TUBB6: variants seen among roughly 807,000 people sequenced by gnomAD.
The protein encoded by TUBB6 is tubulin beta 6 class V, also known as tubulin beta-6 chain.
TUBB6 carries 18 observed loss-of-function variants against 32.3 expected under a neutral mutation model. That is an observed-to-expected ratio of 0.56 (90% CI 0.39 to 0.83). The LOEUF is 0.83. TUBB6 is among the 40% of genes least tolerant of loss of function. The pLI, the probability that TUBB6 is intolerant of heterozygous loss-of-function variation, is 0.00. For synonymous variants in TUBB6, 280 were observed against 265.8 expected, an observed-to-expected ratio of 1.05 and a Z score of -0.52; for missense variants, 480 against 632.0, an observed-to-expected ratio of 0.76 and a Z score of 2.58.
At chr18:12,314,958 C>T (rs935240689) in intron 3 of TUBB6, among the ~76,000 whole-genome samples, 1 of 49,608 alleles carries the variant, frequency 2.0e-5, no homozygotes, top group Non-Finnish European at 4.7e-5. Context: ...GCTTTTTAAA[C>T]TTTGCTTTTT....
downstream of TUBB6, among the ~76,000 whole-genome samples, chr18:12,326,915 T>A (rs1907357178): frequency 6.6e-6 from 1 of 152,034 alleles, no homozygotes; most frequent in Admixed American, 6.5e-5. Flanking sequence ...GGGTGCTGGG[T>A]GGGAGCTGGG....
intron 3 of TUBB6, among the ~76,000 whole-genome samples, chr18:12,315,548 G>T (rs1184399606): frequency 6.6e-6 from 1 of 152,202 alleles, no homozygotes; most frequent in Non-Finnish European, 1.5e-5. Context: ...AGGGCTTTAA[G>T]AACTACTTTA....
In TUBB6 at chr18:12,325,195, A is replaced by T; in HGVS notation, c.406A>T (p.Thr136Ser). ...HCDCLQGFQL[T>S]HSLGGGTGSG... ...CGACTGCCTGCAGGGCTTCCAGCTCACGCACTCGCTGGGCGGCGGCACGGG... is the reference window on the plus strand; with the variant it reads ...CGACTGCCTGCAGGGCTTCCAGCTCTCGCACTCGCTGGGCGGCGGCACGGG... The change falls in exon 4 of 4, where the codon ACG (threonine) becomes TCG (serine). Residue 136 changes from threonine to serine, a missense_variant. By Grantham distance (58) the Thr-to-Ser change is moderately conservative. Transcript: ENST00000317702. 1 of 1,614,086 alleles carries T rather than the reference A, an allele frequency of 6.2e-7. No homozygotes were observed. The highest frequency in any genetic ancestry group is 1.1e-5 in the South Asian group (1 of 91,062).
intron 2 of TUBB6, among the ~76,000 whole-genome samples, chr18:12,310,635 T>G (rs1906323561): frequency 6.6e-6 from 1 of 151,246 alleles, no homozygotes; most frequent in Non-Finnish European, 1.5e-5. Flanking sequence ...ACTACCACAC[T>G]TAGCTAATTT....
At chr18:12,308,852 G>A in intron 2 of TUBB6, 57 bp downstream of exon 2, 3 of 1,192,874 alleles carry the variant, frequency 2.5e-6, no homozygotes, top group Non-Finnish European at 2.5e-6. Context: ...ACGCTCCGGC[G>A]CCGCCTCTTA....
At chr18:12,322,566 G>C (rs1907046103) in intron 3 of TUBB6, among the ~76,000 whole-genome samples, 1 of 152,064 alleles carries the variant, frequency 6.6e-6, no homozygotes, top group Non-Finnish European at 1.5e-5. Flanking sequence ...TGTTGCCCAG[G>C]CTTGAAAATA....
chr18:12,323,864 G>A (rs1161796914), intron 3 of TUBB6, among the ~76,000 whole-genome samples: 4 of 151,724 alleles, frequency 2.6e-5, no homozygotes, highest in Non-Finnish European at 4.4e-5. Context: ...CTTGTTACTT[G>A]AACTCTGCAT....
At chr18:12,327,425 T>C (rs145553877), downstream of TUBB6, among the ~76,000 whole-genome samples, 3 of 152,356 alleles carry the variant, frequency 2.0e-5, no homozygotes, top group Non-Finnish European at 2.9e-5. Context: ...AGGCCTTACA[T>C]TGACTAGCTG....
At chr18:12,308,575 C>A (rs1199509257) in intron 1 of TUBB6, 112 bp from the exon 2 acceptor site, 3 of 844,974 alleles carry the variant, frequency 3.6e-6, no homozygotes, top group Non-Finnish European at 5.5e-6. Context: ...CGGCTGCCGG[C>A]GGCTCAGGCG....
chr18:12,324,740 G>C lies in TUBB6; in HGVS notation c.278-327G>C, dbSNP rs1056409094. 7 of 1,248,738 alleles carry C rather than the reference G, an allele frequency of 5.6e-6. No individual in the cohort carries two copies. The African/African-American group carries it at 7.7e-5, about 14-fold the overall frequency. 77.4% of individuals were successfully genotyped at this position (1,248,738 alleles called of 1,614,324 possible). On this transcript the variant is annotated intron_variant, in intron 3 of 3. Coordinates refer to ENST00000317702, the MANE Select transcript of TUBB6 (RefSeq NM_032525.3). ...TGCTGGGATTACAGGCATGAGCCAC[G>C]GCGCCCGGCCAGTAACTTATTTTTT...
At chr18:12,314,972 T>C (rs889369452) in intron 3 of TUBB6, among the ~76,000 whole-genome samples, 1 of 152,016 alleles carries the variant, frequency 6.6e-6, no homozygotes, top group Non-Finnish European at 1.5e-5. Flanking sequence ...GCTTTTTTTT[T>C]TTAGCAAAAA....
chr18:12,317,809 G>A (rs1021115944), intron 3 of TUBB6, among the ~76,000 whole-genome samples: 2 of 152,206 alleles, frequency 1.3e-5, no homozygotes, highest in Admixed American at 6.5e-5. Flanking sequence ...ACATCACACC[G>A]TATCAGTACA....
intron 3 of TUBB6, among the ~76,000 whole-genome samples, chr18:12,322,626 C>G (rs1471576033): frequency 2.0e-5 from 3 of 152,132 alleles, no homozygotes; most frequent in Non-Finnish European, 2.9e-5. Flanking sequence ...ACTCTGAAGA[C>G]AATCAAAGAA....
At chr18:12,312,770 C>T (rs966360200) in intron 3 of TUBB6, among the ~76,000 whole-genome samples, 8 of 151,958 alleles carry the variant, frequency 5.3e-5, no homozygotes, top group Non-Finnish European at 7.4e-5. Flanking sequence ...GAGGCCAAGG[C>T]GGGCGGATCA....
In TUBB6 at chr18:12,326,334, A is replaced by G; in HGVS notation, c.*204A>G. 1.4e-6 allele frequency: 1 copy of G among 733,704 alleles called. No homozygotes were observed. The highest frequency in any genetic ancestry group is 1.8e-5 in the African/African-American group (1 of 56,684). 45.4% of individuals were successfully genotyped at this position (733,704 alleles called of 1,614,324 possible). A position where few individuals can be genotyped will look rare whatever the true frequency, so the allele number is the denominator to read the frequency against. Reference sequence around the variant, plus strand: ...GAATTGCGGGTTCTACCCAGTCAGAAGATCACACCATGGAGACTTTCTACT... The same window carrying G: ...GAATTGCGGGTTCTACCCAGTCAGAGGATCACACCATGGAGACTTTCTACT... On this transcript the variant is annotated 3_prime_UTR_variant, in exon 4 of 4. Transcript: ENST00000317702.
At chr18:12,319,611 A>G (rs1321377877) in intron 3 of TUBB6, among the ~76,000 whole-genome samples, 1 of 152,096 alleles carries the variant, frequency 6.6e-6, no homozygotes, top group East Asian at 1.9e-4. Context: ...ACCATTGTAT[A>G]TGTCATCATT....
At chr18:12,307,786 A>G (rs1338367064), upstream of TUBB6, 2 of 126,492 alleles carry the variant, frequency 1.6e-5, no homozygotes, top group Admixed American at 8.0e-5. Flanking sequence ...CCGGGGTGCG[A>G]CCGGGGGGTG....
chr18:12,327,127 C>T (rs565350492), downstream of TUBB6, among the ~76,000 whole-genome samples: 22 of 152,364 alleles, frequency 1.4e-4, no homozygotes, highest in African/African-American at 5.3e-4. Context: ...CCTCTTGAAG[C>T]TGTGAACGTG....
In TUBB6 at chr18:12,325,381, G is replaced by A. The variant is rs940484159; in HGVS notation, c.592G>A (p.Glu198Lys). The A allele has an allele frequency of 4.3e-6, 7 of 1,614,186 alleles. No individual in the cohort carries two copies. Among genetic ancestry groups the A allele is most frequent in the Non-Finnish European group, 5.1e-6 (6 of 1,180,022 alleles). Residue 198 changes from glutamate to lysine, a missense_variant, in exon 4 of 4, where the codon GAG (glutamate) becomes AAG (lysine). Transcript: ENST00000317702. ...GCACCAGCTGGTGGAGAATACAGAC[G>A]AGACCTACTGCATCGACAACGAGGC... ...SVHQLVENTD[E>K]TYCIDNEALY...
Sources: gnomAD v4.1 joint callset for allele counts (sites outside exome capture counted in the v4.1 genomes callset) on GRCh38, gnomAD v4.1.1 for gene constraint, MANE v1.5 for transcripts, NCBI Gene and HGNC (gene_info 2026-07-23, HGNC 2026-07-21) for gene names.